Variants in BICC1 observed in about 807,000 individuals in gnomAD.
BICC1 encodes protein bicaudal C homolog 1.
Under a neutral mutation model 111.0 loss-of-function variants are expected in BICC1, and 43 were observed. The ratio of observed to expected loss-of-function variants is 0.39; its 90% confidence interval spans 0.30 to 0.50. The LOEUF (loss-of-function observed/expected upper bound fraction) is 0.50, where lower values mean the gene tolerates loss of function less well. BICC1 is among the 20% of genes least tolerant of loss of function. The pLI, the probability that BICC1 is intolerant of heterozygous loss-of-function variation, is 0.88. For synonymous variants in BICC1, 467 were observed against 434.4 expected (o/e 1.07, Z -0.93); for missense variants, 1,091 against 1,203.2 (o/e 0.91, Z 1.38).
intron 1 of BICC1, among the ~76,000 whole-genome samples, chr10:58,587,175 T>G (rs182119224): frequency 1.1e-4 from 16 of 152,336 alleles, no homozygotes; most frequent in East Asian, 9.6e-4. Context: ...TCCTTCCGTC[T>G]TCTTCTGTGT....
chr10:58,704,994 A>G (rs925328252), intron 3 of BICC1, among the ~76,000 whole-genome samples: 9 of 152,210 alleles, frequency 5.9e-5, no homozygotes, highest in Non-Finnish European at 1.0e-4. Context: ...TTAAGCCATT[A>G]ATCCTTTATC....
chr10:58,790,615 G>A (rs1286961051), intron 8 of BICC1, among the ~76,000 whole-genome samples: 4 of 152,034 alleles, frequency 2.6e-5, no homozygotes, highest in African/African-American at 4.8e-5. Context: ...ATCACTTGAG[G>A]TCAAAATCAA....
intron 2 of BICC1, among the ~76,000 whole-genome samples, chr10:58,686,631 T>A (rs1839737064): frequency 6.6e-6 from 1 of 152,094 alleles, no homozygotes; most frequent in East Asian, 1.9e-4. Flanking sequence ...CTTCAATCAC[T>A]TATACCCTTT....
chr10:58,710,778 C>T (rs1194990013), intron 3 of BICC1, among the ~76,000 whole-genome samples: 2 of 152,080 alleles, frequency 1.3e-5, no homozygotes, highest in East Asian at 1.9e-4. Flanking sequence ...TTGAAATCTT[C>T]GAAAGTACTG....
intron 3 of BICC1, among the ~76,000 whole-genome samples, chr10:58,759,629 G>A (rs531120610): frequency 5.1e-4 from 77 of 152,204 alleles, no homozygotes; most frequent in Admixed American, 2.0e-3. Flanking sequence ...ACTGAACATT[G>A]ACTTTCTGTT....
At chr10:58,698,240 C>G (rs550803167) in intron 2 of BICC1, among the ~76,000 whole-genome samples, 1 of 152,252 alleles carries the variant, frequency 6.6e-6, no homozygotes, top group African/African-American at 2.4e-5. Context: ...TTAGTGTGCA[C>G]AGCCGTAGGA....
At chr10:58,786,505 A>G (rs1564612702) in intron 4 of BICC1, among the ~76,000 whole-genome samples, 2 of 152,126 alleles carry the variant, frequency 1.3e-5, no homozygotes, top group Non-Finnish European at 2.9e-5. Context: ...CTAATTTTGT[A>G]TCATCTTAGT....
chr10:58,613,516 A>G (rs2132114355), intron 1 of BICC1, among the ~76,000 whole-genome samples: 1 of 152,316 alleles, frequency 6.6e-6, no homozygotes, highest in South Asian at 2.1e-4. Context: ...AATATAATGA[A>G]AAGGAAATGA....
chr10:58,818,968 T>C (rs556323507), intron 19 of BICC1, among the ~76,000 whole-genome samples: 93 of 152,220 alleles, frequency 6.1e-4, no homozygotes, highest in Admixed American at 1.1e-3. Flanking sequence ...CTTATTCCAA[T>C]TACTCCAAGA....
intron 2 of BICC1, among the ~76,000 whole-genome samples, chr10:58,692,320 G>A (rs553899786): frequency 6.6e-6 from 1 of 152,286 alleles, no homozygotes; most frequent in Admixed American, 6.5e-5. Flanking sequence ...CCTGCCTATA[G>A]TGTGGACCAG....
intron 3 of BICC1, among the ~76,000 whole-genome samples, chr10:58,759,890 C>T (rs956004663): frequency 1.3e-5 from 2 of 148,962 alleles, no homozygotes; most frequent in South Asian, 2.2e-4. Context: ...ACCTGGGAGG[C>T]GGAGCTTGCA....
chr10:58,814,868 G>T (rs1391025155), intron 18 of BICC1, among the ~76,000 whole-genome samples: 2 of 152,080 alleles, frequency 1.3e-5, no homozygotes, highest in Admixed American at 6.6e-5. Context: ...CTGTCCAGCG[G>T]GTGGCTACTA....
chr10:58,529,244 G>A (rs1842620726), intron 1 of BICC1, among the ~76,000 whole-genome samples: 1 of 151,888 alleles, frequency 6.6e-6, no homozygotes, highest in African/African-American at 2.4e-5. Flanking sequence ...CAAGCTTCAT[G>A]TGCCAGTATT....
rs536123705 is a variant in BICC1 at position 58,670,167 on chromosome 10, T to C, written c.238-31907T>C. ...TATTTGCTTTATCACATATCCAATC[T>C]TCTATCTGTTCATCAATCCATCTTA... On this transcript the variant is annotated intron_variant, in intron 2 of 20. Coordinates refer to ENST00000373886, the MANE Select transcript of BICC1 (RefSeq NM_001080512.3). Among the ~76,000 whole-genome samples, 15 of 152,246 alleles carry C rather than the reference T, an allele frequency of 9.9e-5. No individual in the cohort carries two copies. In the South Asian group the frequency reaches 2.9e-3, roughly 29 times the overall value.
At chr10:58,583,344 C>T (rs1050618508) in intron 1 of BICC1, among the ~76,000 whole-genome samples, 5 of 152,050 alleles carry the variant, frequency 3.3e-5, no homozygotes, top group African/African-American at 1.2e-4. Context: ...AAGCAGTGTG[C>T]AGTCTTTTAT....
intron 8 of BICC1, among the ~76,000 whole-genome samples, chr10:58,792,128 A>C (rs1843200662): frequency 6.6e-6 from 1 of 152,046 alleles, no homozygotes; most frequent in Admixed American, 6.5e-5. Flanking sequence ...CTTAATGGTA[A>C]CCTCTCCTGA....
At chr10:58,560,279 G>C (rs1843567847) in intron 1 of BICC1, among the ~76,000 whole-genome samples, 1 of 151,842 alleles carries the variant, frequency 6.6e-6, no homozygotes, top group African/African-American at 2.4e-5. Context: ...TTTCTTCCTG[G>C]TTCAATCTTG....
chr10:58,608,852 A>C (rs1845321690), intron 1 of BICC1, among the ~76,000 whole-genome samples: 1 of 152,206 alleles, frequency 6.6e-6, no homozygotes. Context: ...TGTATAAATA[A>C]ATAAAGAAAT....
chr10:58,672,380 G>T (rs757804963), intron 2 of BICC1, among the ~76,000 whole-genome samples: 3 of 151,988 alleles, frequency 2.0e-5, no homozygotes, highest in African/African-American at 4.8e-5. Flanking sequence ...TTAACATAAG[G>T]ACGGGCACTT....
Sources: allele counts gnomAD v4.1 joint callset (sites outside exome capture counted in the v4.1 genomes callset), GRCh38; gene constraint gnomAD v4.1.1; transcripts MANE v1.5; gene names NCBI Gene and HGNC (gene_info 2026-07-23, HGNC 2026-07-21).